VEPH1: variants seen among roughly 807,000 people sequenced by gnomAD.
VEPH1 encodes the protein ventricular zone-expressed PH domain-containing protein homolog 1.
Under a neutral mutation model 85.2 loss-of-function variants are expected in VEPH1, and 80 were observed. The observed-to-expected ratio is 0.94, with a 90% CI of 0.78 to 1.13. VEPH1 has a LOEUF of 1.13. Ranked by LOEUF, VEPH1 falls within the 50% of genes most tolerant of loss-of-function variation. VEPH1 has a pLI of 0.00. For synonymous variants in VEPH1, 297 were observed against 348.0 expected, an observed-to-expected ratio of 0.85 and a Z score of 1.63; for missense variants, 955 against 980.5, an observed-to-expected ratio of 0.97 and a Z score of 0.35.
At chr3:157,319,643 A>G (rs1721158066) in intron 9 of VEPH1, among the ~76,000 whole-genome samples, 3 of 152,200 alleles carry the variant, frequency 2.0e-5, no homozygotes, top group African/African-American at 4.8e-5. Flanking sequence ...TTTTCCAAGA[A>G]TTCATGTAGT....
At chr3:157,476,931 G>T (rs1455867507) in intron 2 of VEPH1, among the ~76,000 whole-genome samples, 1 of 152,178 alleles carries the variant, frequency 6.6e-6, no homozygotes, top group African/African-American at 2.4e-5. Context: ...TCAAGAAAGT[G>T]CATCTGAGTA....
At chr3:157,317,451 G>A (rs1460906287) in intron 9 of VEPH1, among the ~76,000 whole-genome samples, 1 of 152,092 alleles carries the variant, frequency 6.6e-6, no homozygotes, top group Non-Finnish European at 1.5e-5. Flanking sequence ...CCCATGGGGG[G>A]AAAACCCTCT....
At chr3:157,344,763 T>C (rs1724007744) in intron 9 of VEPH1, among the ~76,000 whole-genome samples, 1 of 152,180 alleles carries the variant, frequency 6.6e-6, no homozygotes, top group African/African-American at 2.4e-5. Context: ...TCACGCTACC[T>C]GACTTCAAAC....
At chr3:157,332,034 C>T (rs1044479472) in intron 9 of VEPH1, among the ~76,000 whole-genome samples, 1 of 152,166 alleles carries the variant, frequency 6.6e-6, no homozygotes, top group Admixed American at 6.5e-5. Flanking sequence ...ATGTACCTTA[C>T]AGGGTCAAAT....
intron 11 of VEPH1, among the ~76,000 whole-genome samples, chr3:157,296,358 G>T (rs1169214299): frequency 6.6e-6 from 1 of 152,194 alleles, no homozygotes; most frequent in African/African-American, 2.4e-5. Flanking sequence ...ACACAGTTTA[G>T]TGAAGCAAAG....
intron 6 of VEPH1, among the ~76,000 whole-genome samples, chr3:157,399,106 A>G (rs1730636563): frequency 6.6e-6 from 1 of 152,088 alleles, no homozygotes; most frequent in Non-Finnish European, 1.5e-5. Flanking sequence ...TTAAACATGA[A>G]TGCAGAAAGA....
At chr3:157,297,853 C>T (rs73016288) in intron 11 of VEPH1, among the ~76,000 whole-genome samples, 3,600 of 151,944 alleles carry the variant, frequency 0.024, 118 homozygotes, top group African/African-American at 0.074. Flanking sequence ...AGTGAAGAGA[C>T]GGGAAATAAC....
chr3:157,453,466 C>T (rs62278650), intron 4 of VEPH1, among the ~76,000 whole-genome samples: 3,260 of 152,200 alleles, frequency 0.021, 54 homozygotes, highest in Middle Eastern at 0.068. Flanking sequence ...TAATACAGTA[C>T]CTGGCATCAG....
At chr3:157,318,303 G>C (rs189717190) in intron 9 of VEPH1, among the ~76,000 whole-genome samples, 14 of 152,266 alleles carry the variant, frequency 9.2e-5, no homozygotes, top group Admixed American at 7.8e-4. Flanking sequence ...CATTTTAAGT[G>C]AAATGTTTTG....
chr3:157,293,416 T>C (rs1181356158), intron 11 of VEPH1, among the ~76,000 whole-genome samples: 1 of 152,228 alleles, frequency 6.6e-6, no homozygotes, highest in Non-Finnish European at 1.5e-5. Context: ...AATAAACTTA[T>C]ACTTCTATCC....
chr3:157,370,856 G>GT (rs1354816915), intron 7 of VEPH1, among the ~76,000 whole-genome samples: 1 of 152,120 alleles, frequency 6.6e-6, no homozygotes, highest in Non-Finnish European at 1.5e-5. Context: ...AAAAGCTTAG[G>GT]TTCATAACTC....
intron 2 of VEPH1, among the ~76,000 whole-genome samples, chr3:157,487,516 T>C (rs1020612803): frequency 1.3e-5 from 2 of 152,118 alleles, no homozygotes; most frequent in African/African-American, 4.8e-5. Context: ...GTCACAATAT[T>C]ACAAAACTCT....
intron 6 of VEPH1, among the ~76,000 whole-genome samples, chr3:157,384,872 C>T (rs1215872009): frequency 6.6e-6 from 1 of 152,166 alleles, no homozygotes; most frequent in Non-Finnish European, 1.5e-5. Context: ...GGGCTAGTGA[C>T]TGGATTTTCC....
At position 157,466,762 on chromosome 3, in the gene VEPH1, A is replaced by T. The variant is rs553481659; in HGVS notation, c.354+3552T>A. On this transcript the variant is annotated intron_variant, in intron 3 of 13. Transcript: ENST00000362010. ...CAGGGAGTCAAAATTTCAGACTGGG[A>T]GATGACATGGAAGGTGATCTGATTC... 4.6e-5 allele frequency among the ~76,000 whole-genome samples: 7 copies of T among 152,348 alleles called. No individual in the cohort carries two copies. The South Asian group carries it at 1.4e-3, about 32-fold the overall frequency.
At chr3:157,392,483 G>A (rs768933087) in intron 6 of VEPH1, among the ~76,000 whole-genome samples, 2 of 152,100 alleles carry the variant, frequency 1.3e-5, no homozygotes, top group Admixed American at 6.6e-5. Flanking sequence ...AGATTTCAGC[G>A]GTGACATAGC....
chr3:157,447,419 G>T (rs968278777), intron 4 of VEPH1, among the ~76,000 whole-genome samples: 2 of 152,018 alleles, frequency 1.3e-5, no homozygotes, highest in East Asian at 1.9e-4. Context: ...TAATAAGATT[G>T]CTTAGTAGCT....
intron 12 of VEPH1, among the ~76,000 whole-genome samples, chr3:157,274,240 C>T (rs778139640): frequency 4.6e-5 from 7 of 152,150 alleles, no homozygotes; most frequent in African/African-American, 1.7e-4. Flanking sequence ...AATAAAGGAT[C>T]AATAAATAGT....
At chr3:157,460,089 A>C (rs1467230709) in intron 4 of VEPH1, 92 bp downstream of exon 4, 3 of 1,611,758 alleles carry the variant, frequency 1.9e-6, no homozygotes, top group Non-Finnish European at 2.5e-6. Flanking sequence ...CTAATACTCT[A>C]GGTCTTGCTT....
In VEPH1 at chr3:157,381,190, G is replaced by A. The variant is rs970724041; in HGVS notation, c.1093C>T (p.Arg365Ter). The A allele has an allele frequency of 3.7e-5, 59 of 1,613,800 alleles. No individual in the cohort carries two copies. Among genetic ancestry groups the A allele is most frequent in the Non-Finnish European group, 4.7e-5 (55 of 1,180,008 alleles). The change falls in exon 7 of 14, where the codon CGA becomes TGA. Residue 365 changes from arginine to a stop codon, truncating the protein, a stop_gained. Coordinates refer to ENST00000362010, the MANE Select transcript of VEPH1 (RefSeq NM_001167912.2). LOFTEE classifies it high-confidence loss of function. ...SFTAIAKLLTRQLENTKAGSG... is the reference protein window; with the variant it reads ...SFTAIAKLLT ...CCAGCCTTGGTATTTTCCAGTTGTC[G>A]GGTAAGGAGTTTAGCAATGGCGGTG...
Sources: allele counts gnomAD v4.1 joint callset (sites outside exome capture counted in the v4.1 genomes callset), GRCh38; gene constraint gnomAD v4.1.1; transcripts MANE v1.5; gene names NCBI Gene and HGNC (gene_info 2026-07-23, HGNC 2026-07-21).